The following IL15RA variants were observed in gnomAD, a reference collection of about 807,000 sequenced individuals.
IL15RA encodes the protein interleukin 15 receptor subunit alpha.
A neutral mutation model predicts 24.2 loss-of-function variants in IL15RA; 26 were observed. That is an observed-to-expected ratio of 1.07 (90% CI 0.79 to 1.49). The LOEUF (loss-of-function observed/expected upper bound fraction) is 1.49. IL15RA is among the 40% of genes most tolerant of loss of function. The pLI is 0.00. For synonymous variants in IL15RA, 166 were observed against 157.6 expected, an observed-to-expected ratio of 1.05 and a Z score of -0.40; for missense variants, 354 against 356.4, an observed-to-expected ratio of 0.99 and a Z score of 0.05.
chr10:5,956,524 C>T (rs1336281834), intron 5 of IL15RA, 70 bp from the exon 6 acceptor site: 7 of 1,172,400 alleles, frequency 6.0e-6, no homozygotes, highest in Admixed American at 1.8e-5. Context: ...AATTCTTTAC[C>T]ATGGATGTTC....
At chr10:5,969,353 T>TTAAAA in intron 1 of IL15RA, among the ~76,000 whole-genome samples, 1 of 147,580 alleles carries the variant, frequency 6.8e-6, no homozygotes, top group Non-Finnish European at 1.5e-5. Context: ...AATTAAATTT[T>TTAAAA]TTAAATTAAA....
intron 5 of IL15RA, among the ~76,000 whole-genome samples, chr10:5,957,608 T>C (rs1352566562): frequency 3.3e-5 from 5 of 150,744 alleles, no homozygotes; most frequent in African/African-American, 9.8e-5. Context: ...TTTTTTTTTT[T>C]CTGCGACGGA....
In IL15RA at chr10:5,960,739, T is replaced by C. The variant is rs1048068335; in HGVS notation, c.383-172A>G. On this transcript the variant is annotated intron_variant, in intron 3 of 6. Transcript: ENST00000379977. This position sits in a 1 kb window ranked among gnomAD's most constrained non-coding sequence, Gnocchi z 5.1. ...CATAGCCGTTCCTCTGGAAGGGCCA[T>C]AGGACCTGTGAAAACACTAAAGAAC... 5.3e-5 allele frequency among the ~76,000 whole-genome samples: 8 copies of C among 152,058 alleles called. No homozygotes were observed. The highest frequency in any genetic ancestry group is 1.2e-4 in the Non-Finnish European group (8 of 68,000).
Position 5,968,813 on chromosome 10 carries a change from G to C in IL15RA, c.89-2474C>G. 1 of 736,522 alleles carries C rather than the reference G, an allele frequency of 1.4e-6. No homozygotes were observed. Among genetic ancestry groups the C allele is most frequent in the East Asian group, 2.7e-5 (1 of 37,426 alleles). 45.6% of individuals were successfully genotyped at this position (736,522 alleles called of 1,614,324 possible). On this transcript the variant is annotated intron_variant, in intron 1 of 6. Coordinates refer to ENST00000379977, the MANE Select transcript of IL15RA (RefSeq NM_002189.4). The surrounding 1 kb of genome is among the most constrained non-coding windows in gnomAD (Gnocchi z 5.4). ...TGCTTGTCCGATGGTGGTGGCACTG[G>C]GGGCAGTTTTCCATTGTCCTGAGTC...
intron 1 of IL15RA, chr10:5,969,050 C>T: frequency 7.7e-7 from 1 of 1,306,264 alleles, no homozygotes; most frequent in Non-Finnish European, 1.0e-6. Context: ...CTGGCTGACT[C>T]ACCAATCGAT....
At position 5,953,274 on chromosome 10, in the gene IL15RA, C is replaced by T; in HGVS notation, c.693-68G>A. On this transcript the variant is annotated intron_variant, in intron 6 of 6. Transcript: ENST00000379977. The surrounding 1 kb of genome is among the most constrained non-coding windows in gnomAD (Gnocchi z 5.3). ...TTGCCCTCAAATCAACAGACGCTTC[C>T]CACTGAGCATGTATGTCCAGCACTG... 1 of 1,131,410 alleles carries T rather than the reference C, an allele frequency of 8.8e-7. No individual in the cohort carries two copies. Among genetic ancestry groups the T allele is most frequent in the South Asian group, 1.2e-5 (1 of 80,572 alleles). The allele number at this position is 1,131,410 out of a possible 1,614,324, so 70.1% of individuals were successfully genotyped here.
intron 5 of IL15RA, among the ~76,000 whole-genome samples, chr10:5,957,501 C>T (rs947355429): frequency 9.3e-5 from 14 of 150,730 alleles, no homozygotes; most frequent in African/African-American, 2.9e-4. Context: ...GTCTTGAACT[C>T]CTGACCTCGT....
At chr10:5,950,254 T>C (rs1833778131), downstream of IL15RA, among the ~76,000 whole-genome samples, 1 of 152,180 alleles carries the variant, frequency 6.6e-6, no homozygotes, top group African/African-American at 2.4e-5. This position sits in a 1 kb window ranked among gnomAD's most constrained non-coding sequence, Gnocchi z 5.6. Context: ...ACGTGGGGAC[T>C]GAAGGCCTCA....
Position 5,960,007 on chromosome 10 carries a change from C to G in IL15RA, c.584-221G>C, listed in dbSNP as rs1337466412. Among the ~76,000 whole-genome samples the G allele has an allele frequency of 6.6e-6, 1 of 152,202 alleles. No homozygotes were observed. The highest frequency in any genetic ancestry group is 2.4e-5 in the African/African-American group (1 of 41,454). ...AGCCTTACAGAAGGTCCCCATTACC[C>G]TCAGCTCCTCCATTCCACAGATCCT... On this transcript the variant is annotated intron_variant, in intron 4 of 6. Transcript: ENST00000379977. This position sits in a 1 kb window ranked among gnomAD's most constrained non-coding sequence, Gnocchi z 5.1.
chr10:5,966,425 TC>T lies in IL15RA; in HGVS notation c.89-87del. 1 of 1,129,002 alleles carries T rather than the reference TC, an allele frequency of 8.9e-7. No individual in the cohort carries two copies. Among genetic ancestry groups the T allele is most frequent in the Non-Finnish European group, 1.3e-6 (1 of 774,340 alleles). The allele number at this position is 1,129,002 out of a possible 1,614,324, so 69.9% of individuals were successfully genotyped here. ...CAGGCACACGCAGCGGTAGTCAGTG[TC>T]CAGCTTATCCTAGGGGTGCCTCAGG... On this transcript the variant is annotated intron_variant, in intron 1 of 6. Coordinates refer to ENST00000379977, the MANE Select transcript of IL15RA (RefSeq NM_002189.4). This position sits in a 1 kb window ranked among gnomAD's most constrained non-coding sequence, Gnocchi z 6.4.
rs1834002143 is a variant in IL15RA, at chr10:5,952,879, G to A, written c.*216C>T. The A allele has an allele frequency of 3.3e-5, 20 of 601,200 alleles. No homozygotes were observed. The South Asian group carries it at 3.7e-4, about 11-fold the overall frequency. 37.2% of individuals were successfully genotyped at this position (601,200 alleles called of 1,614,324 possible). On this transcript the variant is annotated 3_prime_UTR_variant, in exon 7 of 7. Coordinates refer to ENST00000379977, the MANE Select transcript of IL15RA (RefSeq NM_002189.4). Reference sequence around the variant, plus strand: ...AAGCTGGGCCCTGGGTCCAAGGCACGACAGGCAGGCAGGTGGTGCCCATGG... The same window carrying A: ...AAGCTGGGCCCTGGGTCCAAGGCACAACAGGCAGGCAGGTGGTGCCCATGG...
At chr10:5,951,141 C>CAAA (rs60771366), downstream of IL15RA, among the ~76,000 whole-genome samples, 345 of 35,892 alleles carry the variant, frequency 9.6e-3, 4 homozygotes, top group Non-Finnish European at 0.012. Context: ...GACTCAGTCT[C>CAAA]AAAAAAAAAA....
At position 5,960,610 on chromosome 10, in the gene IL15RA, T is replaced by C. The variant is rs1564496215; in HGVS notation, c.383-43A>G. On this transcript the variant is annotated intron_variant, in intron 3 of 6. Transcript: ENST00000379977. This position sits in a 1 kb window ranked among gnomAD's most constrained non-coding sequence, Gnocchi z 5.1. ...GCAGGGACAACATCAGTGTGCAGAC[T>C]CCCCTCCTCTCAGCTGCAGCACGGG... The C allele has an allele frequency of 6.5e-7, 1 of 1,530,404 alleles. No homozygotes were observed. Among genetic ancestry groups the C allele is most frequent in the Admixed American group, 1.7e-5 (1 of 57,684 alleles). The allele number at this position is 1,530,404 out of a possible 1,614,324, so 94.8% of individuals were successfully genotyped here. A position where few individuals can be genotyped will look rare whatever the true frequency, so the allele number is the denominator to read the frequency against.
rs1359807546 is a variant in IL15RA at position 5,962,403 on chromosome 10, C to T, written c.382+1340G>A. On this transcript the variant is annotated intron_variant, in intron 3 of 6. Coordinates refer to ENST00000379977, the MANE Select transcript of IL15RA (RefSeq NM_002189.4). This position sits in a 1 kb window ranked among gnomAD's most constrained non-coding sequence, Gnocchi z 5.2. Reference sequence around the variant, plus strand: ...GGTCAGGAGTTTGAGACCAGACTGACCAACATGGTGAAACCCTGTCTCTAC... The same window carrying T: ...GGTCAGGAGTTTGAGACCAGACTGATCAACATGGTGAAACCCTGTCTCTAC... 6.6e-6 allele frequency among the ~76,000 whole-genome samples: 1 copy of T among 152,106 alleles called. No individual in the cohort carries two copies. Among genetic ancestry groups the T allele is most frequent in the African/African-American group, 2.4e-5 (1 of 41,406 alleles).
At chr10:5,951,167 AAAAAAAT>A (rs1450768744), downstream of IL15RA, among the ~76,000 whole-genome samples, 205 of 148,820 alleles carry the variant, frequency 1.4e-3, 4 homozygotes, top group Middle Eastern at 6.9e-3. Context: ...AAAAAAAAAA[AAAAAAAT>A]ATTAGCCAGG....
At position 5,958,228 on chromosome 10, in the gene IL15RA, A is replaced by G. The variant is rs1435614358; in HGVS notation, c.616+1526T>C. ...CTACAAGGTATACCAGCAAGTGGAA[A>G]CAAACATGGTACAGAAAAGGAGAAA... On this transcript the variant is annotated intron_variant, in intron 5 of 6. Coordinates refer to ENST00000379977, the MANE Select transcript of IL15RA (RefSeq NM_002189.4). The surrounding 1 kb of genome is among the most constrained non-coding windows in gnomAD (Gnocchi z 4.3). 6 of 389,200 alleles carry G rather than the reference A, an allele frequency of 1.5e-5. No individual in the cohort carries two copies. The highest frequency in any genetic ancestry group is 3.1e-5 in the Non-Finnish European group (6 of 195,574). 24.1% of individuals were successfully genotyped at this position (389,200 alleles called of 1,614,324 possible).
rs770747669 is a variant in IL15RA, at chr10:5,953,185, G to C, written c.714C>G (p.Ser238Arg). The C allele has an allele frequency of 6.2e-7, 1 of 1,614,112 alleles. No homozygotes were observed. Among genetic ancestry groups the C allele is most frequent in the African/African-American group, 1.3e-5 (1 of 75,050 alleles). Residue 238 changes from serine (S) to arginine (R), a missense_variant, in exon 7 of 7, where the codon AGC becomes AGG. Physicochemically the swap from Ser to Arg is moderately radical, Grantham distance 110. Coordinates refer to ENST00000379977, the MANE Select transcript of IL15RA (RefSeq NM_002189.4). The surrounding 1 kb of genome is among the most constrained non-coding windows in gnomAD (Gnocchi z 5.3). ...GAGCCTCCATGGCTTCCATTTCAAC[G>C]CTGGCCAGCGGGGGAGTTTGCCTGC... ...LKSRQTPPLA[S>R]VEMEAMEALP...
chr10:5,964,392 C>G lies in IL15RA; in HGVS notation c.284-551G>C, dbSNP rs545064772. ...ATGTTGCTGAGGCTGGTCTCGAACT[C>G]CTGGTCTCAAGAAATCCCTCCCATC... On this transcript the variant is annotated intron_variant, in intron 2 of 6. Coordinates refer to ENST00000379977, the MANE Select transcript of IL15RA (RefSeq NM_002189.4). The surrounding 1 kb of genome is among the most constrained non-coding windows in gnomAD (Gnocchi z 5.6). Among the ~76,000 whole-genome samples the G allele has an allele frequency of 1.7e-3, 253 of 152,212 alleles. No individual in the cohort carries two copies. The highest frequency in any genetic ancestry group is 3.0e-3 in the Non-Finnish European group (202 of 68,008).
rs1837111938 is a variant in IL15RA at position 5,969,034 on chromosome 10, G to T, written c.89-2695C>A. The stretch of plus-strand genomic sequence containing the variant: ...TGAGCAAGGACTAAGTGTATTGTGT[G>T]TGTTTCTGGCTGACTCACCAATCGA... On this transcript the variant is annotated intron_variant, in intron 1 of 6. Coordinates refer to ENST00000379977, the MANE Select transcript of IL15RA (RefSeq NM_002189.4). 3.1e-5 allele frequency: 45 copies of T among 1,464,580 alleles called. No individual in the cohort carries two copies. The South Asian group carries it at 5.3e-4, about 17-fold the overall frequency. 90.7% of individuals were successfully genotyped at this position (1,464,580 alleles called of 1,614,324 possible). A position where few individuals can be genotyped will look rare whatever the true frequency, so the allele number is the denominator to read the frequency against.
Sources: gnomAD v4.1 joint callset for allele counts (sites outside exome capture counted in the v4.1 genomes callset) on GRCh38, gnomAD v4.1.1 for gene constraint, Gnocchi (gnomAD v3.1) non-coding constraint, MANE v1.5 for transcripts, NCBI Gene and HGNC (gene_info 2026-07-23, HGNC 2026-07-21) for gene names.